Variants in NEO1 observed in about 807,000 individuals in gnomAD.
NEO1 encodes neogenin.
Under a neutral mutation model 159.7 loss-of-function variants are expected in NEO1, and 63 were observed. The observed-to-expected ratio is 0.39, with a 90% CI of 0.32 to 0.49. NEO1 has a LOEUF of 0.49. Ranked by LOEUF, NEO1 falls within the 20% of genes least tolerant of loss-of-function variation. The pLI is 0.85. For synonymous variants in NEO1, 633 were observed against 662.0 expected (o/e 0.96, Z 0.67); for missense variants, 1,615 against 1,831.0 (o/e 0.88, Z 2.15).
intron 9 of NEO1, among the ~76,000 whole-genome samples, chr15:73,246,688 G>C (rs891074435): frequency 6.6e-6 from 1 of 152,128 alleles, no homozygotes; most frequent in Admixed American, 6.6e-5. Context: ...CAAAAATGAA[G>C]GAAATGCAAG....
chr15:73,255,029 G>A (rs917531384), intron 13 of NEO1, among the ~76,000 whole-genome samples, 200 bp downstream of exon 13: 4 of 152,138 alleles, frequency 2.6e-5, no homozygotes, highest in African/African-American at 9.7e-5. Flanking sequence ...ATTTCTGAGT[G>A]GTGAGATCGA....
chr15:73,254,608 A>G (rs2040245682), intron 12 of NEO1, 74 bp from the exon 13 acceptor site: 3 of 1,427,478 alleles, frequency 2.1e-6, no homozygotes, highest in African/African-American at 1.4e-5. Flanking sequence ...CAGTAAAATC[A>G]GGATAAAAAT....
At chr15:73,141,288 A>G (rs893065288) in intron 5 of NEO1, among the ~76,000 whole-genome samples, 1 of 152,262 alleles carries the variant, frequency 6.6e-6, no homozygotes, top group African/African-American at 2.4e-5. Context: ...AGGAAATGCC[A>G]TAGTGAGTGT....
At chr15:73,193,076 G>A (rs535712664) in intron 7 of NEO1, among the ~76,000 whole-genome samples, 118 of 152,146 alleles carry the variant, frequency 7.8e-4, no homozygotes, top group African/African-American at 2.7e-3. Context: ...GCAACAGTCT[G>A]CAAATGTTAG....
chr15:73,151,843 T>C (rs1307220821), intron 5 of NEO1, among the ~76,000 whole-genome samples: 1 of 152,306 alleles, frequency 6.6e-6, no homozygotes, highest in African/African-American at 2.4e-5. Flanking sequence ...ATTTGAACAT[T>C]TTCTCCATGT....
At chr15:73,098,082 A>AACAC (rs34778128) in intron 1 of NEO1, among the ~76,000 whole-genome samples, 4 of 149,762 alleles carry the variant, frequency 2.7e-5, no homozygotes, top group African/African-American at 9.8e-5. Context: ...TTTATCCCAC[A>AACAC]ACACACACAC....
chr15:73,115,052 C>CTT (rs990657591), intron 1 of NEO1, among the ~76,000 whole-genome samples: 2 of 147,010 alleles, frequency 1.4e-5, no homozygotes, highest in East Asian at 2.0e-4. Flanking sequence ...ACCTGAAACA[C>CTT]TTTTTTTTTT....
At chr15:73,282,245 T>G (rs2041754802) in intron 22 of NEO1, among the ~76,000 whole-genome samples, 1 of 152,212 alleles carries the variant, frequency 6.6e-6, no homozygotes, top group Non-Finnish European at 1.5e-5. Context: ...AACCCCTCAT[T>G]TTCTTTTTTT....
At chr15:73,235,827 T>C (rs1399352217) in intron 7 of NEO1, among the ~76,000 whole-genome samples, 1 of 152,198 alleles carries the variant, frequency 6.6e-6, no homozygotes, top group African/African-American at 2.4e-5. Flanking sequence ...ACAATAGCCA[T>C]GAGCCTCTCA....
intron 7 of NEO1, among the ~76,000 whole-genome samples, chr15:73,215,485 C>T (rs2037824449): frequency 6.6e-6 from 1 of 152,088 alleles, no homozygotes; most frequent in East Asian, 1.9e-4. Context: ...CAATTTTAAT[C>T]ATAAAGGGAT....
Position 73,293,506 on chromosome 15 carries a change from A to G in NEO1, c.3859A>G (p.Ile1287Val), listed in dbSNP as rs1221145509. ...CTACCACCCGGGCAGCCCATGGCCC[A>G]TTGGCACATCCATGTCCCTTTCAGA... is the stretch of plus-strand genomic sequence containing the variant. ...HLYHPGSPWPIGTSMSLSDRA... is the reference protein window; with the variant it reads ...HLYHPGSPWPVGTSMSLSDRA... Residue 1287 changes from isoleucine to valine, a missense_variant, in exon 26 of 29, where the codon ATT becomes GTT. Coordinates refer to ENST00000261908, the MANE Select transcript of NEO1 (RefSeq NM_002499.4). 12 of 1,614,122 alleles carry G rather than the reference A, an allele frequency of 7.4e-6. No homozygotes were observed. The highest frequency in any genetic ancestry group is 1.0e-5 in the Non-Finnish European group (12 of 1,180,012).
intron 15 of NEO1, among the ~76,000 whole-genome samples, chr15:73,264,272 T>C (rs908864435): frequency 2.0e-5 from 3 of 152,192 alleles, no homozygotes; most frequent in African/African-American, 7.2e-5. Flanking sequence ...CTTTGCAGTA[T>C]TGACAGGACA....
chr15:73,221,104 G>A (rs1321676668), intron 7 of NEO1, among the ~76,000 whole-genome samples: 3 of 152,072 alleles, frequency 2.0e-5, no homozygotes, highest in African/African-American at 7.2e-5. Context: ...ATGGATTTTT[G>A]GTGTGGATGT....
At chr15:73,067,517 T>C (rs1230480819) in intron 1 of NEO1, among the ~76,000 whole-genome samples, 1 of 151,804 alleles carries the variant, frequency 6.6e-6, no homozygotes, top group Non-Finnish European at 1.5e-5. Flanking sequence ...TGGCAATATC[T>C]TGGCTCACTG....
At chr15:73,162,037 G>T in intron 5 of NEO1, 1 of 240,032 alleles carries the variant, frequency 4.2e-6, no homozygotes, top group Non-Finnish European at 8.5e-6. Context: ...TTCCATTTTG[G>T]TTTGATTTTT....
At chr15:73,124,242 T>C (rs912114331) in intron 3 of NEO1, among the ~76,000 whole-genome samples, 8 of 125,150 alleles carry the variant, frequency 6.4e-5, no homozygotes, top group Non-Finnish European at 1.5e-4. Context: ...TTTTGTATTT[T>C]TTTTAGAGAT....
intron 7 of NEO1, among the ~76,000 whole-genome samples, chr15:73,228,732 GATTA>G (rs1308737352): frequency 6.6e-6 from 1 of 152,000 alleles, no homozygotes; most frequent in Non-Finnish European, 1.5e-5. Context: ...TTAGTTCTTA[GATTA>G]AGACTATGAG....
chr15:73,094,940 G>T (rs1298952044), intron 1 of NEO1, among the ~76,000 whole-genome samples: 1 of 152,174 alleles, frequency 6.6e-6, no homozygotes, highest in Non-Finnish European at 1.5e-5. Context: ...GCTGGGCACG[G>T]TGGCTCACAC....
At chr15:73,263,303 C>T (rs1395372241) in intron 15 of NEO1, among the ~76,000 whole-genome samples, 1 of 151,424 alleles carries the variant, frequency 6.6e-6, no homozygotes, top group South Asian at 2.1e-4. Flanking sequence ...AAATGATTCT[C>T]CTGCCTCAAC....
Sources: allele counts gnomAD v4.1 joint callset (sites outside exome capture counted in the v4.1 genomes callset), GRCh38; gene constraint gnomAD v4.1.1; transcripts MANE v1.5; gene names NCBI Gene and HGNC (gene_info 2026-07-23, HGNC 2026-07-21).